Variants in ZFP91 observed in about 807,000 individuals in gnomAD.
The protein encoded by ZFP91 is E3 ubiquitin-protein ligase ZFP91.
A neutral mutation model predicts 63.5 loss-of-function variants in ZFP91; 7 were observed. The observed-to-expected ratio is 0.11, with a 90% CI of 0.06 to 0.21. The LOEUF (loss-of-function observed/expected upper bound fraction) is 0.21. ZFP91 is among the 10% of genes least tolerant of loss of function. The pLI is 1.00. For missense variants in ZFP91, 628 were observed against 736.6 expected (o/e 0.85, Z 1.71); for synonymous variants, 330 against 272.1 (o/e 1.21, Z -2.10).
intron 2 of ZFP91, among the ~76,000 whole-genome samples, chr11:58,605,632 T>C (rs1855558434): frequency 6.6e-6 from 1 of 152,146 alleles, no homozygotes; most frequent in Admixed American, 6.5e-5. Flanking sequence ...GATGAGCGGC[T>C]GTTAATCTTG....
chr11:58,579,458 CGCTGCGGCCGCCGCCGCCGCA>C lies in ZFP91; in HGVS notation c.182_202del (p.Ala61_Ala67del), dbSNP rs1855048156. ...GGGGAGGTCGGGACCGAGGCCGGGC[CGCTGCGGCCGCCGCCGCCGCA>C]GCTGTGTCCCGCCGGAGGAAGGCCG... On this transcript the variant is annotated inframe_deletion, in exon 1 of 11. Coordinates refer to ENST00000316059, the MANE Select transcript of ZFP91 (RefSeq NM_053023.5). 3 of 1,454,798 alleles carry C rather than the reference CGCTGCGGCCGCCGCCGCCGCA, an allele frequency of 2.1e-6. No individual in the cohort carries two copies. Among genetic ancestry groups the C allele is most frequent in the Non-Finnish European group, 2.7e-6 (3 of 1,112,492 alleles). 90.1% of individuals were successfully genotyped at this position (1,454,798 alleles called of 1,614,324 possible). A position where few individuals can be genotyped will look rare whatever the true frequency, so the allele number is the denominator to read the frequency against.
chr11:58,591,433 T>C (rs562077762), intron 2 of ZFP91, among the ~76,000 whole-genome samples: 4 of 152,324 alleles, frequency 2.6e-5, no homozygotes, highest in South Asian at 4.1e-4. Flanking sequence ...TTTTGAAATA[T>C]AGTGTTATTG....
intron 2 of ZFP91, among the ~76,000 whole-genome samples, chr11:58,607,580 C>T (rs183097882): frequency 2.0e-5 from 3 of 149,836 alleles, no homozygotes; most frequent in South Asian, 2.1e-4. Context: ...TAGAACTGTT[C>T]GCACTGCTAT....
intron 2 of ZFP91, among the ~76,000 whole-genome samples, chr11:58,593,339 C>G (rs941974176): frequency 1.3e-5 from 2 of 152,212 alleles, no homozygotes; most frequent in African/African-American, 4.8e-5. Flanking sequence ...ACACTGTATA[C>G]TTAGGCTACA....
At chr11:58,583,956 C>G (rs907255834) in intron 1 of ZFP91, among the ~76,000 whole-genome samples, 1 of 151,928 alleles carries the variant, frequency 6.6e-6, no homozygotes, top group African/African-American at 2.4e-5. Flanking sequence ...CAGAGATACT[C>G]TGTGGTATCT....
intron 5 of ZFP91, 184 bp from the exon 6 acceptor site, chr11:58,611,420 G>T (rs1368856554): frequency 1.3e-6 from 1 of 752,122 alleles, no homozygotes; most frequent in African/African-American, 1.8e-5. Flanking sequence ...CATTCCATGA[G>T]CAACATATAC....
Position 58,617,407 on chromosome 11 carries a change from A to G in ZFP91, c.1414A>G (p.Ser472Gly). ...LAANAGALIT[S>G]TDILGTNPES... ...TGCCAATGCAGGCGCCCTCATCACC[A>G]GCACAGATATCTTGGGCACTAACCC... Residue 472 changes from serine to glycine, a missense_variant, in exon 11 of 11, where the codon AGC becomes GGC. Coordinates refer to ENST00000316059, the MANE Select transcript of ZFP91 (RefSeq NM_053023.5). This position sits in a 1 kb window ranked among gnomAD's most constrained non-coding sequence, Gnocchi z 4.2. 6.2e-7 allele frequency: 1 copy of G among 1,613,730 alleles called. No homozygotes were observed. The highest frequency in any genetic ancestry group is 2.2e-5 in the East Asian group (1 of 44,876).
chr11:58,597,845 C>T (rs1276794337), intron 2 of ZFP91, among the ~76,000 whole-genome samples: 1 of 152,170 alleles, frequency 6.6e-6, no homozygotes, highest in Non-Finnish European at 1.5e-5. Context: ...AGCAATTCAA[C>T]TTTTTCTTGT....
At chr11:58,591,385 C>A (rs377418552) in intron 2 of ZFP91, among the ~76,000 whole-genome samples, 1 of 152,210 alleles carries the variant, frequency 6.6e-6, no homozygotes, top group South Asian at 2.1e-4. Context: ...GGGCAGTTTT[C>A]AGTTATTAGT....
chr11:58,610,276 G>T, intron 3 of ZFP91, 22 bp from the exon 4 acceptor site: 1 of 1,588,396 alleles, frequency 6.3e-7, no homozygotes, highest in African/African-American at 1.4e-5. Context: ...ATAAAATTTT[G>T]TTTTTGGCTT....
chr11:58,610,999 G>A lies in ZFP91; in HGVS notation c.667G>A (p.Glu223Lys). 1 of 1,613,224 alleles carries A rather than the reference G, an allele frequency of 6.2e-7. No homozygotes were observed. Among genetic ancestry groups the A allele is most frequent in the Non-Finnish European group, 8.5e-7 (1 of 1,179,698 alleles). The change falls in exon 5 of 11, where the codon GAG becomes AAG. Residue 223 changes from glutamate (E) to lysine (K), a missense_variant. By Grantham distance (56) the Glu-to-Lys change is moderately conservative. Around this residue, in one of 3 missense-constraint regions of ZFP91, gnomAD observed 437 missense variants for 380.3 expected, o/e 1.15. Transcript: ENST00000316059. The stretch of plus-strand genomic sequence containing the variant: ...AGAAGAGATGTTAATCAGTGAAGAG[G>A]AGATACCATTCAAAGATGATCCAAG... ...EEEEMLISEE[E>K]IPFKDDPRDE... is the part of the protein sequence containing the mutation.
intron 2 of ZFP91, among the ~76,000 whole-genome samples, chr11:58,604,865 G>C (rs1020264779): frequency 3.3e-5 from 5 of 152,140 alleles, no homozygotes; most frequent in Non-Finnish European, 7.4e-5. Flanking sequence ...TGAGTTTCTT[G>C]TAGACAGATT....
chr11:58,614,452 A>G, intron 9 of ZFP91, 109 bp downstream of exon 9: 5 of 760,600 alleles, frequency 6.6e-6, no homozygotes, highest in Non-Finnish European at 9.7e-6. Flanking sequence ...TCTATAGTCA[A>G]GTGCGGGGAA....
At chr11:58,603,110 G>A (rs187659257) in intron 2 of ZFP91, among the ~76,000 whole-genome samples, 2 of 152,338 alleles carry the variant, frequency 1.3e-5, no homozygotes, top group Non-Finnish European at 2.9e-5. Context: ...TGGAGAAAAG[G>A]TGATCCTTGT....
chr11:58,608,111 T>C (rs948253744), intron 2 of ZFP91, among the ~76,000 whole-genome samples: 1 of 151,882 alleles, frequency 6.6e-6, no homozygotes. Flanking sequence ...ATGACTAATG[T>C]GTAGCACTGT....
In ZFP91 at chr11:58,620,404, C is replaced by T. The variant is rs928188084; in HGVS notation, c.*2698C>T. 6.6e-6 allele frequency: 1 copy of T among 152,272 alleles called. No homozygotes were observed. The highest frequency in any genetic ancestry group is 1.5e-5 in the Non-Finnish European group (1 of 68,036). The allele number at this position is 152,272 out of a possible 1,614,324, so 9.4% of individuals were successfully genotyped here. On this transcript the variant is annotated 3_prime_UTR_variant, in exon 11 of 11. Coordinates refer to ENST00000316059, the MANE Select transcript of ZFP91 (RefSeq NM_053023.5). ...TTCTGTTACCTTTTTAATAACTCTT[C>T]CCACTGCATATTTCCATCTTGAATT...
At position 58,617,586 on chromosome 11, in the gene ZFP91, T is replaced by G; in HGVS notation, c.1593T>G (p.Asp531Glu). 6.2e-7 allele frequency: 1 copy of G among 1,609,930 alleles called. No individual in the cohort carries two copies. Among genetic ancestry groups the G allele is most frequent in the Non-Finnish European group, 8.5e-7 (1 of 1,178,148 alleles). The change falls in exon 11 of 11, where the codon GAT becomes GAG. Residue 531 changes from aspartate to glutamate, a missense_variant. Transcript: ENST00000316059. This position sits in a 1 kb window ranked among gnomAD's most constrained non-coding sequence, Gnocchi z 4.2. Reference protein sequence around the residue: ...SGTERVSLMADGKIFVGSGSS... With the variant: ...SGTERVSLMAEGKIFVGSGSS... ...CGGAACGGGTGAGCCTGATGGCTGA[T>G]GGGAAGATCTTTGTGGGAAGCGGCA...
intron 2 of ZFP91, among the ~76,000 whole-genome samples, chr11:58,609,112 T>C (rs1855615460): frequency 6.6e-6 from 1 of 152,232 alleles, no homozygotes; most frequent in African/African-American, 2.4e-5. Flanking sequence ...AGTATTTAGC[T>C]ACGCCAGGTA....
chr11:58,596,748 T>C (rs1271130227), intron 2 of ZFP91, among the ~76,000 whole-genome samples: 1 of 152,072 alleles, frequency 6.6e-6, no homozygotes, highest in African/African-American at 2.4e-5. Flanking sequence ...ATGATTTCCT[T>C]GATTGGCTCT....
Sources: allele counts gnomAD v4.1 joint callset (sites outside exome capture counted in the v4.1 genomes callset), GRCh38; gene constraint gnomAD v4.1.1; regional missense constraint gnomAD v4.1.1; non-coding constraint Gnocchi (gnomAD v3.1); transcripts MANE v1.5; gene names NCBI Gene and HGNC (gene_info 2026-07-23, HGNC 2026-07-21).